NRXN3: variants seen among roughly 807,000 people sequenced by gnomAD.
NRXN3 encodes neurexin III.
A neutral mutation model predicts 137.6 loss-of-function variants in NRXN3; 32 were observed. The ratio of observed to expected loss-of-function variants is 0.23; its 90% confidence interval spans 0.18 to 0.31. The LOEUF (loss-of-function observed/expected upper bound fraction) is 0.31. Among genes scored for constraint, NRXN3 ranks in the 10% least tolerant of loss-of-function variants. The probability of loss-of-function intolerance (pLI) is 1.00; values close to 1 mark genes in which losing one functional copy is unlikely to be tolerated. For synonymous variants in NRXN3, 798 were observed against 784.5 expected (o/e 1.02, Z -0.29); for missense variants, 1,574 against 2,062.5 (o/e 0.76, Z 4.59).
intron 10 of NRXN3, among the ~76,000 whole-genome samples, chr14:78,874,818 A>G (rs2152579946): frequency 6.6e-6 from 1 of 152,332 alleles, no homozygotes; most frequent in Non-Finnish European, 1.5e-5. Context: ...AGTAGATGCC[A>G]GAAGGCATTG....
intron 10 of NRXN3, among the ~76,000 whole-genome samples, chr14:78,926,623 T>A (rs2099292609): frequency 9.2e-6 from 1 of 109,062 alleles, no homozygotes; most frequent in Non-Finnish European, 1.8e-5. Flanking sequence ...TAATGTATAT[T>A]TATATATAAT....
chr14:78,517,608 G>T (rs1427912401), intron 4 of NRXN3, among the ~76,000 whole-genome samples: 1 of 152,114 alleles, frequency 6.6e-6, no homozygotes, highest in African/African-American at 2.4e-5. Context: ...ACTGTCAGCT[G>T]CCAGACAGGC....
At position 78,611,529 on chromosome 14, in the gene NRXN3, C is replaced by T. The variant is rs191447273; in HGVS notation, c.758-33591C>T. ...TGACTTACAAGTTCCAAAGCACATT[C>T]AAATACATTGCTTTTTCATTTGGAG... On this transcript the variant is annotated intron_variant, in intron 4 of 20. Coordinates refer to ENST00000335750, the MANE Select transcript of NRXN3 (RefSeq NM_001330195.2). Among the ~76,000 whole-genome samples the T allele has an allele frequency of 1.3e-4, 19 of 151,986 alleles. No homozygotes were observed. The East Asian group carries it at 3.5e-3, about 28-fold the overall frequency.
intron 4 of NRXN3, among the ~76,000 whole-genome samples, chr14:78,416,246 A>G (rs2093131151): frequency 1.3e-5 from 2 of 152,148 alleles, no homozygotes; most frequent in African/African-American, 2.4e-5. Flanking sequence ...ACTGTTCTGC[A>G]TTTGCAGTGC....
intron 19 of NRXN3, among the ~76,000 whole-genome samples, chr14:79,724,623 A>G (rs1012277756): frequency 2.0e-5 from 3 of 152,200 alleles, no homozygotes; most frequent in African/African-American, 7.2e-5. Context: ...GTATTCTGCC[A>G]TGTACTCTGG....
chr14:79,085,740 A>T (rs983341285), intron 15 of NRXN3, among the ~76,000 whole-genome samples: 1 of 152,206 alleles, frequency 6.6e-6, no homozygotes, highest in African/African-American at 2.4e-5. Context: ...GAGAGAGGGA[A>T]AAAGTCTGAA....
chr14:79,101,750 T>C (rs1217020437), intron 15 of NRXN3, among the ~76,000 whole-genome samples: 2 of 152,128 alleles, frequency 1.3e-5, no homozygotes, highest in Non-Finnish European at 2.9e-5. Context: ...TTCCTGTGAG[T>C]GTGACCTTAT....
chr14:78,830,298 A>G (rs1276760709), intron 10 of NRXN3, among the ~76,000 whole-genome samples: 1 of 152,114 alleles, frequency 6.6e-6, no homozygotes, highest in Non-Finnish European at 1.5e-5. Context: ...AACTGGTGAT[A>G]TCTTAATTTG....
chr14:78,419,496 T>A (rs1160062104), intron 4 of NRXN3, among the ~76,000 whole-genome samples: 2 of 152,156 alleles, frequency 1.3e-5, no homozygotes, highest in East Asian at 3.9e-4. Flanking sequence ...TGAGCCACCA[T>A]GCCTGGCCAT....
At position 78,183,905 on chromosome 14, in the gene NRXN3, A is replaced by C. The variant is rs577354867; in HGVS notation, c.-704+13231A>C. ...GGAAGCTTTCTCCAAGAAGGGGCGG[A>C]TGTGTGGGAAGTAAGAAGGTTGCCT... On this transcript the variant is annotated intron_variant, in intron 1 of 20. Transcript: ENST00000335750. 3.9e-5 allele frequency among the ~76,000 whole-genome samples: 6 copies of C among 152,294 alleles called. No homozygotes were observed. In the South Asian group the frequency reaches 1.2e-3, roughly 32 times the overall value.
intron 15 of NRXN3, among the ~76,000 whole-genome samples, chr14:79,148,860 T>G (rs937348432): frequency 3.3e-5 from 5 of 152,180 alleles, no homozygotes; most frequent in African/African-American, 9.6e-5. Flanking sequence ...GAGTGTTTTT[T>G]TCCCATGCCT....
At position 79,573,364 on chromosome 14, in the gene NRXN3, G is replaced by T. The variant is rs538418224; in HGVS notation, c.3445-90414G>T. Among the ~76,000 whole-genome samples, 3 of 152,276 alleles carry T rather than the reference G, an allele frequency of 2.0e-5. No individual in the cohort carries two copies. In the South Asian group the frequency reaches 6.2e-4, roughly 32 times the overall value. On this transcript the variant is annotated intron_variant, in intron 16 of 20. Transcript: ENST00000335750. ...TAGAGAGGTGGGAGGTGGGGGGACG[G>T]GAGAGTACGCAGCTCTTCTAAGGTG...
intron 16 of NRXN3, among the ~76,000 whole-genome samples, chr14:79,655,050 G>T (rs988889205): frequency 3.3e-5 from 5 of 152,154 alleles, no homozygotes; most frequent in Admixed American, 3.3e-4. Context: ...TCTAAGAGAA[G>T]AAATTTCTCC....
At chr14:79,115,185 C>T (rs540438758) in intron 15 of NRXN3, among the ~76,000 whole-genome samples, 183 of 152,112 alleles carry the variant, frequency 1.2e-3, no homozygotes, top group Non-Finnish European at 2.1e-3. Context: ...ATTAGACAGA[C>T]GTGGTGGCAC....
At chr14:79,406,152 G>A (rs2095306679) in intron 15 of NRXN3, among the ~76,000 whole-genome samples, 1 of 151,950 alleles carries the variant, frequency 6.6e-6, no homozygotes, top group Admixed American at 6.6e-5. Flanking sequence ...GCCCCCACCT[G>A]ACATTCTTTT....
chr14:78,430,534 T>C (rs1277979245), intron 4 of NRXN3, among the ~76,000 whole-genome samples: 4 of 152,222 alleles, frequency 2.6e-5, no homozygotes, highest in East Asian at 3.9e-4. Flanking sequence ...ACTAGTCCAG[T>C]GCTCTTGTTC....
chr14:78,729,089 A>G (rs1433925376), intron 8 of NRXN3, among the ~76,000 whole-genome samples: 1 of 152,194 alleles, frequency 6.6e-6, no homozygotes, highest in African/African-American at 2.4e-5. Flanking sequence ...AAATGCCTAT[A>G]ATTTTGTAAG....
chr14:78,845,275 A>C (rs986785999), intron 10 of NRXN3, among the ~76,000 whole-genome samples: 2 of 152,110 alleles, frequency 1.3e-5, no homozygotes, highest in African/African-American at 4.8e-5. Flanking sequence ...GTGTTACTAC[A>C]TAGTGTTAAT....
intron 15 of NRXN3, among the ~76,000 whole-genome samples, chr14:79,274,749 G>A (rs1385248637): frequency 5.3e-5 from 8 of 152,098 alleles, no homozygotes. Flanking sequence ...TTTCAATGAA[G>A]TAAATGTCCC....
Sources: allele counts gnomAD v4.1 joint callset (sites outside exome capture counted in the v4.1 genomes callset), GRCh38; gene constraint gnomAD v4.1.1; transcripts MANE v1.5; gene names NCBI Gene and HGNC (gene_info 2026-07-23, HGNC 2026-07-21).